Variants in ATRNL1 observed in about 807,000 individuals in gnomAD.
ATRNL1 encodes attractin-like protein 1.
In ATRNL1, 95 loss-of-function variants were observed where a neutral mutation model predicts 182.7. The ratio of observed to expected loss-of-function variants is 0.52; its 90% CI spans 0.44 to 0.62. The LOEUF (loss-of-function observed/expected upper bound fraction) is 0.62. ATRNL1 is among the 20% of genes least tolerant of loss of function. ATRNL1 has a pLI of 0.00. For missense variants in ATRNL1, 1,471 were observed against 1,679.5 expected (o/e 0.88, Z 2.17); for synonymous variants, 576 against 568.3 (o/e 1.01, Z -0.19).
At chr10:115,880,023 C>G (rs1951791238) in intron 28 of ATRNL1, among the ~76,000 whole-genome samples, 1 of 152,164 alleles carries the variant, frequency 6.6e-6, no homozygotes, top group Non-Finnish European at 1.5e-5. Flanking sequence ...GCCAAAAGCA[C>G]CTGGAAACAA....
At chr10:115,709,967 A>G (rs781956418) in intron 26 of ATRNL1, among the ~76,000 whole-genome samples, 2 of 152,064 alleles carry the variant, frequency 1.3e-5, no homozygotes, top group South Asian at 2.1e-4. Flanking sequence ...TTAAATCTCA[A>G]TTTTCTAAGT....
At chr10:115,917,058 T>C (rs1952879193) in intron 28 of ATRNL1, among the ~76,000 whole-genome samples, 1 of 152,156 alleles carries the variant, frequency 6.6e-6, no homozygotes, top group African/African-American at 2.4e-5. Context: ...AAATCAGAAA[T>C]GTGGCGACAC....
At chr10:115,614,005 C>T (rs1183300282) in intron 26 of ATRNL1, among the ~76,000 whole-genome samples, 2 of 151,282 alleles carry the variant, frequency 1.3e-5, no homozygotes, top group African/African-American at 4.8e-5. Context: ...ATGGGGTTTT[C>T]TTTTTGTCTG....
At chr10:115,717,889 A>C (rs1555056744) in intron 26 of ATRNL1, among the ~76,000 whole-genome samples, 1 of 151,690 alleles carries the variant, frequency 6.6e-6, no homozygotes, top group East Asian at 1.9e-4. Flanking sequence ...TGTTCCATTC[A>C]CCTAATATTC....
chr10:115,652,753 C>A (rs1438480712), intron 26 of ATRNL1, among the ~76,000 whole-genome samples: 4 of 151,828 alleles, frequency 2.6e-5, no homozygotes, highest in African/African-American at 9.7e-5. Flanking sequence ...ATCCTAAAAG[C>A]CATTAGACAA....
At chr10:115,653,230 A>T (rs1565252295) in intron 26 of ATRNL1, among the ~76,000 whole-genome samples, 1 of 152,182 alleles carries the variant, frequency 6.6e-6, no homozygotes, top group South Asian at 2.1e-4. Flanking sequence ...GCTTTTATAT[A>T]TGTAGCTATG....
At chr10:115,197,656 C>A (rs1427654933) in intron 8 of ATRNL1, among the ~76,000 whole-genome samples, 1 of 152,062 alleles carries the variant, frequency 6.6e-6, no homozygotes, top group African/African-American at 2.4e-5. Context: ...TTCCAGGACC[C>A]CATACCAAAG....
At chr10:115,096,219 T>C (rs1375437627) in intron 1 of ATRNL1, among the ~76,000 whole-genome samples, 1 of 152,200 alleles carries the variant, frequency 6.6e-6, no homozygotes, top group Non-Finnish European at 1.5e-5. Flanking sequence ...TGTACTCTAT[T>C]GGGTAAATGC....
At chr10:115,719,118 A>T (rs11197419) in intron 26 of ATRNL1, among the ~76,000 whole-genome samples, 56,978 of 152,048 alleles carry the variant, frequency 0.37, 11,527 homozygotes, top group East Asian at 0.59. Flanking sequence ...AAAAAACAAA[A>T]TTTTTCCTAG....
intron 25 of ATRNL1, among the ~76,000 whole-genome samples, chr10:115,536,208 C>G (rs1159893530): frequency 3.9e-5 from 6 of 152,072 alleles, no homozygotes; most frequent in Non-Finnish European, 8.8e-5. Context: ...TGCCCTGCCC[C>G]CAGAGGTGGA....
At chr10:115,533,157 G>C (rs546753863) in intron 25 of ATRNL1, among the ~76,000 whole-genome samples, 33 of 152,178 alleles carry the variant, frequency 2.2e-4, no homozygotes, top group African/African-American at 7.2e-4. Context: ...CTATTGATTG[G>C]AATAGTTTCA....
At chr10:115,549,309 A>T in intron 25 of ATRNL1, 149 bp from the exon 26 acceptor site, 1 of 432,162 alleles carries the variant, frequency 2.3e-6, no homozygotes, top group Non-Finnish European at 3.9e-6. Context: ...AGAACATTTT[A>T]AGCATTGGAA....
intron 28 of ATRNL1, among the ~76,000 whole-genome samples, chr10:115,873,454 A>T (rs1555106551): frequency 6.6e-6 from 1 of 152,192 alleles, no homozygotes; most frequent in Non-Finnish European, 1.5e-5. Context: ...TTTTGTCTTT[A>T]CCACCCTAGT....
At chr10:115,728,226 C>A (rs1431284056) in intron 27 of ATRNL1, among the ~76,000 whole-genome samples, 2 of 132,414 alleles carry the variant, frequency 1.5e-5, no homozygotes, top group African/African-American at 5.7e-5. Context: ...ACCCGGGAGG[C>A]GGAGCTTGCA....
chr10:115,857,382 T>G (rs1444744202), intron 28 of ATRNL1, among the ~76,000 whole-genome samples: 6 of 152,198 alleles, frequency 3.9e-5, no homozygotes, highest in Non-Finnish European at 8.8e-5. Context: ...ATGAGAAAAA[T>G]GAACCATGGA....
At chr10:115,308,431 G>A (rs1257722133) in intron 17 of ATRNL1, among the ~76,000 whole-genome samples, 1 of 151,932 alleles carries the variant, frequency 6.6e-6, no homozygotes, top group Non-Finnish European at 1.5e-5. Context: ...TGAGGATAAG[G>A]TGTTATCTCA....
chr10:115,775,772 T>C (rs1223458886), intron 27 of ATRNL1, among the ~76,000 whole-genome samples: 1 of 141,224 alleles, frequency 7.1e-6, no homozygotes. Context: ...CTGGCCAACA[T>C]GGTGAAACCC....
intron 25 of ATRNL1, among the ~76,000 whole-genome samples, chr10:115,522,566 A>G (rs562805165): frequency 6.6e-6 from 1 of 152,316 alleles, no homozygotes; most frequent in South Asian, 2.1e-4. Flanking sequence ...TTAAAACTAT[A>G]GCATTCTATC....
chr10:115,525,479 C>G (rs1554986328), intron 25 of ATRNL1, among the ~76,000 whole-genome samples: 2 of 152,226 alleles, frequency 1.3e-5, no homozygotes, highest in African/African-American at 4.8e-5. Flanking sequence ...AGAGCCAGCT[C>G]TAAGCCTCCT....
Sources: gnomAD v4.1 joint callset for allele counts (sites outside exome capture counted in the v4.1 genomes callset) on GRCh38, gnomAD v4.1.1 for gene constraint, MANE v1.5 for transcripts, NCBI Gene and HGNC (gene_info 2026-07-23, HGNC 2026-07-21) for gene names.